Variants in ZC3H12C observed in about 807,000 individuals in gnomAD.
ZC3H12C encodes probable ribonuclease ZC3H12C.
In ZC3H12C, 20 loss-of-function variants were observed where a neutral mutation model predicts 76.3. That is an observed-to-expected ratio of 0.26 (90% CI 0.18 to 0.38). The LOEUF (loss-of-function observed/expected upper bound fraction) is 0.38, where lower values mean the gene tolerates loss of function less well. Among genes scored for constraint, ZC3H12C ranks in the 10% least tolerant of loss-of-function variants. The pLI is 1.00. For missense variants in ZC3H12C, 874 were observed against 1,086.5 expected, an observed-to-expected ratio of 0.80 and a Z score of 2.75; for synonymous variants, 352 against 399.6, an observed-to-expected ratio of 0.88 and a Z score of 1.42.
chr11:110,139,221 A>G (rs962974498), intron 2 of ZC3H12C, among the ~76,000 whole-genome samples: 1 of 152,116 alleles, frequency 6.6e-6, no homozygotes, highest in Non-Finnish European at 1.5e-5. Flanking sequence ...AGCAAATGCA[A>G]CAAGATTTGA....
chr11:110,111,071 CT>C (rs1011769144), intron 1 of ZC3H12C, among the ~76,000 whole-genome samples: 2 of 152,120 alleles, frequency 1.3e-5, no homozygotes, highest in Non-Finnish European at 2.9e-5. Context: ...GTGATAGCAC[CT>C]GAGTGAAGAT....
At chr11:110,134,050 C>G (rs1861912100) in intron 1 of ZC3H12C, among the ~76,000 whole-genome samples, 1 of 152,090 alleles carries the variant, frequency 6.6e-6, no homozygotes, top group South Asian at 2.1e-4. Flanking sequence ...AATAATATTT[C>G]CTAGGTCAAT....
chr11:110,161,163 G>C (rs181248634), intron 4 of ZC3H12C, among the ~76,000 whole-genome samples: 2 of 152,124 alleles, frequency 1.3e-5, no homozygotes, highest in African/African-American at 4.8e-5. Context: ...ATGGTTTATC[G>C]AGTATTATGC....
intron 1 of ZC3H12C, among the ~76,000 whole-genome samples, chr11:110,132,290 T>A (rs1215442705): frequency 6.6e-6 from 1 of 152,196 alleles, no homozygotes; most frequent in Non-Finnish European, 1.5e-5. Context: ...ATGAGAACTT[T>A]CAGAAAATTT....
rs59512764 is a variant in ZC3H12C, at chr11:110,125,270, AGTGTGTGTGTGTGTGTGTGTGT to A, written c.22-11363_22-11342del. Among the ~76,000 whole-genome samples the A allele has an allele frequency of 8.7e-3, 1,214 of 138,772 alleles. 16 individuals are homozygous for A. The highest frequency in any genetic ancestry group is 0.03 in the African/African-American group (1,106 of 36,728). The allele number at this position is 138,772 out of a possible 152,430, so 91.0% of individuals were successfully genotyped here. A position where few individuals can be genotyped will look rare whatever the true frequency, so the allele number is the denominator to read the frequency against. On this transcript the variant is annotated intron_variant, in intron 1 of 5. Coordinates refer to ENST00000278590, the MANE Select transcript of ZC3H12C (RefSeq NM_033390.2). ...TGGGAACCATATAGGATCTCTCACT[AGTGTGTGTGTGTGTGTGTGTGT>A]GTGTGTGTGTGTGTGTGTGTGTGTG...
In ZC3H12C at chr11:110,136,906, G is replaced by A. The variant is rs1009818694; in HGVS notation, c.265G>A (p.Asp89Asn). 6.2e-7 allele frequency: 1 copy of A among 1,613,748 alleles called. No individual in the cohort carries two copies. The highest frequency in any genetic ancestry group is 8.5e-7 in the Non-Finnish European group (1 of 1,179,796). Reference protein sequence around the residue: ...EASEENASSGDSEENTNSDHE... With the variant: ...EASEENASSGNSEENTNSDHE... ...GTCTGAAGAGAATGCAAGCTCTGGT[G>A]ACTCTGAAGAAAACACAAATTCTGA... Residue 89 changes from aspartate to asparagine, a missense_variant, in exon 2 of 6, where the codon GAC becomes AAC. This residue lies in a region of ZC3H12C where 210 missense variants were observed against 227.1 expected (regional missense o/e 0.92). Coordinates refer to ENST00000278590, the MANE Select transcript of ZC3H12C (RefSeq NM_033390.2).
intron 1 of ZC3H12C, among the ~76,000 whole-genome samples, chr11:110,104,385 A>T (rs1162825655): frequency 6.6e-6 from 1 of 152,182 alleles, no homozygotes; most frequent in Admixed American, 6.5e-5. Context: ...ATATGGATTC[A>T]TGTTAGTGAT....
chr11:110,142,026 C>T (rs1862075137), intron 2 of ZC3H12C, among the ~76,000 whole-genome samples: 1 of 152,134 alleles, frequency 6.6e-6, no homozygotes, highest in South Asian at 2.1e-4. Flanking sequence ...AGCTTAAATT[C>T]CCTCTAGGTG....
chr11:110,122,456 G>A (rs751398587), intron 1 of ZC3H12C, among the ~76,000 whole-genome samples: 8 of 151,816 alleles, frequency 5.3e-5, no homozygotes, highest in Non-Finnish European at 7.4e-5. Flanking sequence ...AAAATCATAC[G>A]TAGTCCTCCC....
At chr11:110,132,619 A>G (rs1861887783) in intron 1 of ZC3H12C, among the ~76,000 whole-genome samples, 1 of 152,146 alleles carries the variant, frequency 6.6e-6, no homozygotes, top group Non-Finnish European at 1.5e-5. Flanking sequence ...TCAAGAATAT[A>G]GTGTCTTTAG....
chr11:110,102,688 CG>C (rs1861239069), intron 1 of ZC3H12C, among the ~76,000 whole-genome samples: 2 of 152,070 alleles, frequency 1.3e-5, no homozygotes, highest in African/African-American at 4.8e-5. Flanking sequence ...TATCAAACAG[CG>C]TTGCATGCTA....
chr11:110,106,615 T>C (rs1861333903), intron 1 of ZC3H12C, among the ~76,000 whole-genome samples: 1 of 152,220 alleles, frequency 6.6e-6, no homozygotes. Flanking sequence ...TATTTGATGG[T>C]ATATATCGAA....
At chr11:110,121,389 G>A (rs1861648605) in intron 1 of ZC3H12C, among the ~76,000 whole-genome samples, 1 of 152,148 alleles carries the variant, frequency 6.6e-6, no homozygotes, top group African/African-American at 2.4e-5. Flanking sequence ...AAATGCTTTG[G>A]CAGCTGTTCA....
At position 110,165,921 on chromosome 11, in the gene ZC3H12C, G is replaced by T; in HGVS notation, c.*184G>T. 5 of 606,650 alleles carry T rather than the reference G, an allele frequency of 8.2e-6. No individual in the cohort carries two copies. The highest frequency in any genetic ancestry group is 2.9e-5 in the South Asian group (1 of 34,354). The allele number at this position is 606,650 out of a possible 1,614,324, so 37.6% of individuals were successfully genotyped here. On this transcript the variant is annotated 3_prime_UTR_variant, in exon 6 of 6. Transcript: ENST00000278590. ...CACATGGTGGAAGTATCACGGGATT[G>T]CTTTACATTTAAACTTTTTTTTTTT...
chr11:110,150,980 C>T (rs1417286974), intron 2 of ZC3H12C, among the ~76,000 whole-genome samples: 1 of 152,078 alleles, frequency 6.6e-6, no homozygotes, highest in Non-Finnish European at 1.5e-5. Context: ...AAAACTTGAC[C>T]ACAGATTCCT....
chr11:110,123,023 C>T lies in ZC3H12C; in HGVS notation c.22-13640C>T, dbSNP rs1445682090. ...GTAGATTTTCTTATACTGCTCAGAA[C>T]GGCACACAATTAAAAATGTATTAAT... On this transcript the variant is annotated intron_variant, in intron 1 of 5. Transcript: ENST00000278590. 1.9e-4 allele frequency among the ~76,000 whole-genome samples: 29 copies of T among 152,220 alleles called. No individual in the cohort carries two copies. The East Asian group carries it at 2.5e-3, about 13-fold the overall frequency.
intron 1 of ZC3H12C, among the ~76,000 whole-genome samples, chr11:110,130,596 C>G (rs1861843487): frequency 6.6e-6 from 1 of 152,180 alleles, no homozygotes; most frequent in South Asian, 2.1e-4. Flanking sequence ...AGTATAGCCT[C>G]AACTTTTTGG....
At chr11:110,140,346 T>A (rs1442989388) in intron 2 of ZC3H12C, among the ~76,000 whole-genome samples, 4 of 152,204 alleles carry the variant, frequency 2.6e-5, no homozygotes, top group African/African-American at 9.6e-5. Context: ...GATAAATTGA[T>A]GTTAGTCCCC....
rs369730901 is a variant in ZC3H12C, at chr11:110,132,258, G to A, written c.22-4405G>A. Among the ~76,000 whole-genome samples, 17 of 151,816 alleles carry A rather than the reference G, an allele frequency of 1.1e-4. No individual in the cohort carries two copies. In the East Asian group the frequency reaches 2.1e-3, roughly 19 times the overall value. On this transcript the variant is annotated intron_variant, in intron 1 of 5. Transcript: ENST00000278590. ...TTTTTTTTTTAATCTGATTTGAGACGAAGAATTATCCAAGTTAACTAATGA... is the reference window on the plus strand; with the variant it reads ...TTTTTTTTTTAATCTGATTTGAGACAAAGAATTATCCAAGTTAACTAATGA...
Sources: allele counts gnomAD v4.1 joint callset (sites outside exome capture counted in the v4.1 genomes callset), GRCh38; gene constraint gnomAD v4.1.1; regional missense constraint gnomAD v4.1.1; transcripts MANE v1.5; gene names NCBI Gene and HGNC (gene_info 2026-07-23, HGNC 2026-07-21).